ANKRD33B: variants seen among roughly 807,000 people sequenced by gnomAD.
ANKRD33B encodes the protein ankyrin repeat domain-containing protein 33B.
ANKRD33B carries 6 observed loss-of-function variants against 21.5 expected under a neutral mutation model. That is an observed-to-expected ratio of 0.28 (90% CI 0.15 to 0.55). ANKRD33B has a LOEUF of 0.55. Ranked by LOEUF, ANKRD33B falls within the 20% of genes least tolerant of loss-of-function variation. The pLI is 0.94. For synonymous variants in ANKRD33B, 347 were observed against 342.4 expected (o/e 1.01, Z -0.15); for missense variants, 698 against 747.2 (o/e 0.93, Z 0.77).
At position 10,564,755 on chromosome 5, in the gene ANKRD33B, C is replaced by T. The variant is rs959420673; in HGVS notation, c.288C>T (p.Asn96=). ...CCCTCCTGCGCGCCGCCTGCGCCAA[C>T]AACGTGGGGCTGCTGCGGACGCTGG... is the stretch of plus-strand genomic sequence containing the variant. The part of the protein sequence containing the change: ...TATLLRAACA[N]NVGLLRTLVR... The change falls in exon 1 of 4, where the codon AAC becomes AAT. Residue 96 remains asparagine (N), a synonymous_variant. Transcript: ENST00000296657. 5.2e-6 allele frequency: 8 copies of T among 1,529,262 alleles called. No homozygotes were observed. In the Admixed American group the frequency reaches 1.2e-4, roughly 23 times the overall value. 94.7% of individuals were successfully genotyped at this position (1,529,262 alleles called of 1,614,324 possible).
chr5:10,565,223 C>A (rs113335230), intron 1 of ANKRD33B, among the ~76,000 whole-genome samples: 1 of 152,246 alleles, frequency 6.6e-6, no homozygotes, highest in Non-Finnish European at 1.5e-5. Context: ...AGGTCCCTGG[C>A]AGGGGACCAT....
At chr5:10,577,526 A>G (rs1735350704) in intron 1 of ANKRD33B, among the ~76,000 whole-genome samples, 1 of 152,230 alleles carries the variant, frequency 6.6e-6, no homozygotes. Flanking sequence ...GGCTATGCAC[A>G]GGCAGCTGTG....
chr5:10,564,764 G>A lies in ANKRD33B; in HGVS notation c.297G>A (p.Gly99=), dbSNP rs917841053. ...GCGCCGCCTGCGCCAACAACGTGGG[G>A]CTGCTGCGGACGCTGGTGCGGCGCG... ...LLRAACANNV[G]LLRTLVRRGV... The change falls in exon 1 of 4, where the codon GGG becomes GGA. Residue 99 remains glycine, a synonymous_variant. Coordinates refer to ENST00000296657, the MANE Select transcript of ANKRD33B (RefSeq NM_001164440.2). 15 of 1,527,774 alleles carry A rather than the reference G, an allele frequency of 9.8e-6. No homozygotes were observed. Among genetic ancestry groups the A allele is most frequent in the Non-Finnish European group, 1.3e-5 (15 of 1,141,706 alleles). The allele number at this position is 1,527,774 out of a possible 1,614,324, so 94.6% of individuals were successfully genotyped here.
intron 1 of ANKRD33B, among the ~76,000 whole-genome samples, chr5:10,580,785 T>C (rs1216411235): frequency 1.3e-5 from 2 of 152,168 alleles, no homozygotes; most frequent in African/African-American, 4.8e-5. Flanking sequence ...GACTTGCCCC[T>C]GGACCAGGTC....
chr5:10,645,873 GCTGGAGGTAA>G (rs1415105807), intron 3 of ANKRD33B, among the ~76,000 whole-genome samples: 5 of 152,236 alleles, frequency 3.3e-5, no homozygotes, highest in Non-Finnish European at 7.3e-5. Context: ...GTGATTCTCA[GCTGGAGGTAA>G]TGTTGCCCCA....
chr5:10,619,284 G>A lies in ANKRD33B; in HGVS notation c.496+822G>A. The A allele has an allele frequency of 1.0e-6, 1 of 985,376 alleles. No homozygotes were observed. Among genetic ancestry groups the A allele is most frequent in the Non-Finnish European group, 1.2e-6 (1 of 829,886 alleles). The allele number at this position is 985,376 out of a possible 1,614,324, so 61.0% of individuals were successfully genotyped here. Reference sequence around the variant, plus strand: ...TGAGCCAGGAAGAACAGGCGCTTGTGTGTTGAAGGAAGGAGGGGAAGCTTA... The same window carrying A: ...TGAGCCAGGAAGAACAGGCGCTTGTATGTTGAAGGAAGGAGGGGAAGCTTA... On this transcript the variant is annotated intron_variant, in intron 2 of 3. Coordinates refer to ENST00000296657, the MANE Select transcript of ANKRD33B (RefSeq NM_001164440.2). This position sits in a 1 kb window ranked among gnomAD's most constrained non-coding sequence, Gnocchi z 4.5.
At chr5:10,578,917 G>T (rs980031696) in intron 1 of ANKRD33B, among the ~76,000 whole-genome samples, 13 of 152,112 alleles carry the variant, frequency 8.5e-5, no homozygotes, top group South Asian at 4.2e-4. Flanking sequence ...ATCCCCCAGC[G>T]CTTGGAGGGG....
rs1162162259 is a variant in ANKRD33B at position 10,618,439 on chromosome 5, C to G, written c.473C>G (p.Ala158Gly). The change falls in exon 2 of 4, where the codon GCC becomes GGC. Residue 158 changes from alanine to glycine, a missense_variant. Physicochemically the swap from Ala to Gly is moderately conservative, Grantham distance 60. Around this residue, in one of 3 missense-constraint regions of ANKRD33B, gnomAD observed 543 missense variants for 566.5 expected, o/e 0.96. Coordinates refer to ENST00000296657, the MANE Select transcript of ANKRD33B (RefSeq NM_001164440.2). ...VNWQDSEGNT[A>G]LITAAQAGHA... is the part of the protein sequence containing the mutation. The stretch of plus-strand genomic sequence containing the variant: ...TGGCAGGACAGCGAGGGGAACACAG[C>G]CCTAATCACAGCTGCACAGGCAGGT... The G allele has an allele frequency of 2.6e-6, 4 of 1,536,358 alleles. No homozygotes were observed. The highest frequency in any genetic ancestry group is 3.5e-6 in the Non-Finnish European group (4 of 1,146,252).
intron 1 of ANKRD33B, among the ~76,000 whole-genome samples, chr5:10,575,172 G>C (rs13182604): frequency 0.98 from 52,961 of 53,894 alleles, 26,064 homozygotes; most frequent in East Asian, 1. Flanking sequence ...CACCTGTAAT[G>C]CCAGCACTTT....
chr5:10,632,109 G>T (rs907539809), intron 2 of ANKRD33B, among the ~76,000 whole-genome samples: 21 of 151,914 alleles, frequency 1.4e-4, no homozygotes, highest in African/African-American at 4.8e-4. Context: ...GGGTCCCCTT[G>T]GGCAGGAGGG....
rs1737432139 is a variant in ANKRD33B at position 10,654,339 on chromosome 5, C to T, written c.*4226C>T. ...TGCACAGGGGTGGGGCTCGGGATCC[C>T]TCCCTGCACCCTGATGTTTATTAAC... On this transcript the variant is annotated 3_prime_UTR_variant, in exon 4 of 4. Coordinates refer to ENST00000296657, the MANE Select transcript of ANKRD33B (RefSeq NM_001164440.2). 6.6e-6 allele frequency: 1 copy of T among 152,398 alleles called. No homozygotes were observed. The highest frequency in any genetic ancestry group is 6.5e-5 in the Admixed American group (1 of 15,286). 9.4% of individuals were successfully genotyped at this position (152,398 alleles called of 1,614,324 possible).
At position 10,649,696 on chromosome 5, in the gene ANKRD33B, G is replaced by A. The variant is rs1354052103; in HGVS notation, c.1068G>A (p.Ala356=). ...LAARAARGPQ[A]QEEDEVGGAG... ...CGCGGGCTGCACGGGGCCCCCAGGC[G>A]CAGGAGGAGGATGAGGTGGGGGGCG... Residue 356 remains alanine (A), a synonymous_variant, in exon 4 of 4, where the codon GCG becomes GCA. Transcript: ENST00000296657. 2 of 1,519,540 alleles carry A rather than the reference G, an allele frequency of 1.3e-6. No individual in the cohort carries two copies. The highest frequency in any genetic ancestry group is 2.0e-5 in the Admixed American group (1 of 49,934). The allele number at this position is 1,519,540 out of a possible 1,614,324, so 94.1% of individuals were successfully genotyped here.
intron 2 of ANKRD33B, among the ~76,000 whole-genome samples, chr5:10,623,931 C>A (rs1407728084): frequency 6.6e-6 from 1 of 152,094 alleles, no homozygotes; most frequent in Non-Finnish European, 1.5e-5. Context: ...GAAAATGACC[C>A]CACATGAGCA....
chr5:10,603,942 T>C (rs954457454), intron 1 of ANKRD33B, among the ~76,000 whole-genome samples: 26 of 151,532 alleles, frequency 1.7e-4, no homozygotes, highest in Non-Finnish European at 2.9e-4. Flanking sequence ...TTGCCCAGGC[T>C]GGAGTGCAAT....
intron 3 of ANKRD33B, among the ~76,000 whole-genome samples, chr5:10,646,089 A>T (rs1245618159): frequency 1.3e-5 from 2 of 152,218 alleles, no homozygotes; most frequent in African/African-American, 4.8e-5. Context: ...ACTGATCGTG[A>T]TGCATTGCCA....
At chr5:10,587,005 A>ATTATTTAT (rs58331005) in intron 1 of ANKRD33B, among the ~76,000 whole-genome samples, 6,590 of 150,978 alleles carry the variant, frequency 0.044, 500 homozygotes, top group African/African-American at 0.15. Context: ...GATTTTATTT[A>ATTATTTAT]TTATTTATTT....
At position 10,649,295 on chromosome 5, in the gene ANKRD33B, C is replaced by T. The variant is rs1382502283; in HGVS notation, c.667C>T (p.Arg223Cys). 5 of 1,528,438 alleles carry T rather than the reference C, an allele frequency of 3.3e-6. No homozygotes were observed. Among genetic ancestry groups the T allele is most frequent in the South Asian group, 1.2e-5 (1 of 83,776 alleles). The allele number at this position is 1,528,438 out of a possible 1,614,324, so 94.7% of individuals were successfully genotyped here. A position where few individuals can be genotyped will look rare whatever the true frequency, so the allele number is the denominator to read the frequency against. ...GGATGTCCACGCGAGGGACCCCCGC[C>T]GTGGGATGTCGCCGCAGGAGTGGGC... ...GADVHARDPR[R>C]GMSPQEWATY... is the part of the protein sequence containing the mutation. Residue 223 changes from arginine to cysteine, a missense_variant, in exon 4 of 4, where the codon CGT (arginine) becomes TGT (cysteine). Transcript: ENST00000296657.
chr5:10,620,287 CAG>C (rs777198375), intron 2 of ANKRD33B, among the ~76,000 whole-genome samples: 3 of 151,894 alleles, frequency 2.0e-5, no homozygotes, highest in Non-Finnish European at 4.4e-5. Flanking sequence ...GGCTTTGGGA[CAG>C]GGGATAACAC....
At chr5:10,642,799 T>C (rs1441376252) in intron 3 of ANKRD33B, among the ~76,000 whole-genome samples, 1 of 152,250 alleles carries the variant, frequency 6.6e-6, no homozygotes, top group Non-Finnish European at 1.5e-5. Flanking sequence ...CTTTGAGAAA[T>C]ATCTTGTAAA....
Sources: gnomAD v4.1 joint callset for allele counts (sites outside exome capture counted in the v4.1 genomes callset) on GRCh38, gnomAD v4.1.1 for gene constraint, gnomAD v4.1.1 regional missense constraint, Gnocchi (gnomAD v3.1) non-coding constraint, MANE v1.5 for transcripts, NCBI Gene and HGNC (gene_info 2026-07-23, HGNC 2026-07-21) for gene names.